The following SLC4A10 variants were observed in gnomAD, a reference collection of about 807,000 sequenced individuals.
SLC4A10 encodes sodium-driven chloride bicarbonate exchanger.
Under a neutral mutation model 137.7 loss-of-function variants are expected in SLC4A10, and 42 were observed. That is an observed-to-expected ratio of 0.30 (90% confidence interval 0.24 to 0.39). The LOEUF is 0.39. SLC4A10 is among the 10% of genes least tolerant of loss of function. The pLI, the probability that SLC4A10 is intolerant of heterozygous loss-of-function variation, is 1.00. For synonymous variants in SLC4A10, 474 were observed against 464.1 expected (o/e 1.02, Z -0.27); for missense variants, 925 against 1,355.0 (o/e 0.68, Z 4.98).
intron 14 of SLC4A10, among the ~76,000 whole-genome samples, chr2:161,905,134 A>C (rs1056970211): frequency 2.0e-5 from 3 of 152,214 alleles, no homozygotes; most frequent in Admixed American, 6.5e-5. Flanking sequence ...AAGCATCGAT[A>C]AATCCCTTTT....
At chr2:161,911,886 A>G (rs1685945008) in intron 15 of SLC4A10, among the ~76,000 whole-genome samples, 1 of 152,138 alleles carries the variant, frequency 6.6e-6, no homozygotes, top group Admixed American at 6.5e-5. Flanking sequence ...CACTCAATAA[A>G]TTATTTATTC....
chr2:161,844,478 C>T (rs2059374829), intron 4 of SLC4A10, among the ~76,000 whole-genome samples: 1 of 152,058 alleles, frequency 6.6e-6, no homozygotes, highest in African/African-American at 2.4e-5. Flanking sequence ...GCCATGTCCC[C>T]CAACTATCCT....
At chr2:161,926,115 T>C (rs1319275150) in intron 15 of SLC4A10, among the ~76,000 whole-genome samples, 1 of 152,048 alleles carries the variant, frequency 6.6e-6, no homozygotes, top group Admixed American at 6.6e-5. Flanking sequence ...CTTGTCAACT[T>C]TCTGTCTCGT....
chr2:161,770,383 T>C (rs747675341), intron 1 of SLC4A10, among the ~76,000 whole-genome samples: 2 of 151,892 alleles, frequency 1.3e-5, no homozygotes, highest in African/African-American at 4.8e-5. Context: ...GGCAAAAATA[T>C]AGAGAGACAC....
Position 161,713,577 on chromosome 2 carries a change from G to C in SLC4A10, c.49-57396G>C, listed in dbSNP as rs564777601. Among the ~76,000 whole-genome samples, 8 of 151,870 alleles carry C rather than the reference G, an allele frequency of 5.3e-5. No individual in the cohort carries two copies. The East Asian group carries it at 1.6e-3, about 29-fold the overall frequency. On this transcript the variant is annotated intron_variant, in intron 1 of 26. Transcript: ENST00000446997. ...TTTTATTGGTACGTAATCTGATTTA[G>C]CTTTGGCTTTGTTTTTGACATTTCC... is the stretch of plus-strand genomic sequence containing the variant.
At chr2:161,803,980 G>A (rs2125597609) in intron 2 of SLC4A10, among the ~76,000 whole-genome samples, 3 of 152,152 alleles carry the variant, frequency 2.0e-5, no homozygotes, top group Middle Eastern at 6.8e-3. Context: ...GTAACATATA[G>A]AAATAGGAAA....
In SLC4A10 at chr2:161,977,842, T is replaced by C. The variant is rs1699628853; in HGVS notation, c.*26+82T>C. On this transcript the variant is annotated intron_variant, in intron 26 of 26. Coordinates refer to ENST00000446997, the MANE Select transcript of SLC4A10 (RefSeq NM_001178015.2). The stretch of plus-strand genomic sequence containing the variant: ...GTCTTCTAGAAACCTGGTCAGTCTA[T>C]GTCCTCTGTGTGAGTTTTGGGGAGG... 3.5e-5 allele frequency: 46 copies of C among 1,323,920 alleles called. No individual in the cohort carries two copies. In the South Asian group the frequency reaches 8.0e-4, roughly 23 times the overall value. The allele number at this position is 1,323,920 out of a possible 1,614,324, so 82.0% of individuals were successfully genotyped here.
At chr2:161,634,872 T>A (rs1213897190) in intron 1 of SLC4A10, among the ~76,000 whole-genome samples, 3 of 151,986 alleles carry the variant, frequency 2.0e-5, no homozygotes, top group Non-Finnish European at 4.4e-5. Flanking sequence ...TCTCCCTACC[T>A]TCCCCAGCCT....
chr2:161,903,893 C>A, intron 12 of SLC4A10, 111 bp from the exon 13 acceptor site: 2 of 1,087,506 alleles, frequency 1.8e-6, no homozygotes, highest in Non-Finnish European at 2.6e-6. Flanking sequence ...TGTGTCTCAC[C>A]TCTGCTGATG....
chr2:161,887,370 A>C (rs553429548), intron 10 of SLC4A10, among the ~76,000 whole-genome samples: 2 of 150,526 alleles, frequency 1.3e-5, no homozygotes, highest in East Asian at 3.9e-4. Context: ...TTCTGGTTCT[A>C]GATCCTTGAG....
At chr2:161,687,168 C>T (rs771825803) in intron 1 of SLC4A10, among the ~76,000 whole-genome samples, 1 of 152,198 alleles carries the variant, frequency 6.6e-6, no homozygotes, top group African/African-American at 2.4e-5. Context: ...CCACCGCCCC[C>T]AGCCTTAAGA....
Position 161,873,714 on chromosome 2 carries a change from G to C in SLC4A10, c.859-202G>C, listed in dbSNP as rs1272193997. 3.4e-5 allele frequency: 16 copies of C among 475,554 alleles called. No homozygotes were observed. In the East Asian group the frequency reaches 4.6e-4, roughly 14 times the overall value. The allele number at this position is 475,554 out of a possible 1,614,324, so 29.5% of individuals were successfully genotyped here. On this transcript the variant is annotated intron_variant, in intron 7 of 26. Coordinates refer to ENST00000446997, the MANE Select transcript of SLC4A10 (RefSeq NM_001178015.2). ...TATAGTAGTGGGAGGAGGTGGGAAT[G>C]GATGGAAGCAGTAGAGGAAGTAGCC...
chr2:161,820,633 T>A (rs1260068953), intron 3 of SLC4A10, among the ~76,000 whole-genome samples: 1 of 152,252 alleles, frequency 6.6e-6, no homozygotes, highest in African/African-American at 2.4e-5. Context: ...CTATTCATTT[T>A]CATTATTGTA....
At chr2:161,870,440 C>T (rs527954777) in intron 6 of SLC4A10, among the ~76,000 whole-genome samples, 14 of 151,720 alleles carry the variant, frequency 9.2e-5, no homozygotes, top group African/African-American at 2.2e-4. Context: ...TTATACCACA[C>T]GAAATGAATT....
rs181573466 is a variant in SLC4A10 at position 161,699,510 on chromosome 2, A to C, written c.49-71463A>C. Among the ~76,000 whole-genome samples the C allele has an allele frequency of 1.8e-4, 27 of 152,342 alleles. No homozygotes were observed. The East Asian group carries it at 4.6e-3, about 26-fold the overall frequency. On this transcript the variant is annotated intron_variant, in intron 1 of 26. Coordinates refer to ENST00000446997, the MANE Select transcript of SLC4A10 (RefSeq NM_001178015.2). The stretch of plus-strand genomic sequence containing the variant: ...TTTTAATGATTCACAGCATAGTTTA[A>C]GCATATATTAAGTTCAAATGTTGCC...
intron 19 of SLC4A10, among the ~76,000 whole-genome samples, chr2:161,955,486 T>C (rs1455898759): frequency 6.6e-6 from 1 of 152,194 alleles, no homozygotes; most frequent in Non-Finnish European, 1.5e-5. Flanking sequence ...AATTGTAGTA[T>C]TGCCCCAGTA....
At chr2:161,826,724 A>G (rs184232885) in intron 3 of SLC4A10, among the ~76,000 whole-genome samples, 27 of 152,264 alleles carry the variant, frequency 1.8e-4, no homozygotes, top group Admixed American at 1.6e-3. Context: ...AATGATTTAA[A>G]TTTGATTTTC....
chr2:161,733,595 A>T (rs1460192977), intron 1 of SLC4A10, among the ~76,000 whole-genome samples: 1 of 152,220 alleles, frequency 6.6e-6, no homozygotes, highest in Non-Finnish European at 1.5e-5. Flanking sequence ...CCCCCACCCA[A>T]GTCCCTACTG....
chr2:161,910,573 A>G (rs893057618), intron 15 of SLC4A10, among the ~76,000 whole-genome samples: 2 of 152,120 alleles, frequency 1.3e-5, no homozygotes, highest in African/African-American at 4.8e-5. Context: ...GCATGTATTT[A>G]TTAATGTTTT....
Sources: allele counts gnomAD v4.1 joint callset (sites outside exome capture counted in the v4.1 genomes callset), GRCh38; gene constraint gnomAD v4.1.1; transcripts MANE v1.5; gene names NCBI Gene and HGNC (gene_info 2026-07-23, HGNC 2026-07-21).